The following SERPINB7 variants were observed in gnomAD, a reference collection of about 807,000 sequenced individuals.
SERPINB7 encodes serpin B7.
Under a neutral mutation model 37.4 loss-of-function variants are expected in SERPINB7, and 31 were observed. That is an observed-to-expected ratio of 0.83 (90% CI 0.62 to 1.12). The LOEUF is 1.12. Among genes scored for constraint, SERPINB7 ranks in the 50% most tolerant of loss-of-function variants. The pLI is 0.00. For synonymous variants in SERPINB7, 163 were observed against 166.1 expected, an observed-to-expected ratio of 0.98 and a Z score of 0.14; for missense variants, 521 against 455.3, an observed-to-expected ratio of 1.14 and a Z score of -1.31.
In SERPINB7 at chr18:63,804,818, C is replaced by A; in HGVS notation, c.*183C>A. 1 of 584,510 alleles carries A rather than the reference C, an allele frequency of 1.7e-6. No homozygotes were observed. 36.2% of individuals were successfully genotyped at this position (584,510 alleles called of 1,614,324 possible). A position where few individuals can be genotyped will look rare whatever the true frequency, so the allele number is the denominator to read the frequency against. Reference sequence around the variant, plus strand: ...GACACCTGGTTGATTGTCCTGATCCCTGCTCTTAGCATTCTACCACCATGT... The same window carrying A: ...GACACCTGGTTGATTGTCCTGATCCATGCTCTTAGCATTCTACCACCATGT... On this transcript the variant is annotated 3_prime_UTR_variant, in exon 8 of 8. Coordinates refer to ENST00000398019, the MANE Select transcript of SERPINB7 (RefSeq NM_003784.4).
chr18:63,778,370 A>G (rs2049270915), intron 1 of SERPINB7, among the ~76,000 whole-genome samples: 1 of 152,180 alleles, frequency 6.6e-6, no homozygotes, highest in African/African-American at 2.4e-5. Flanking sequence ...ATTGATAAGA[A>G]TAAAAATTAA....
At chr18:63,782,674 G>A (rs2049313200) in intron 2 of SERPINB7, 134 bp downstream of exon 2, 5 of 796,722 alleles carry the variant, frequency 6.3e-6, no homozygotes, top group East Asian at 2.6e-5. Flanking sequence ...ATCTCCACGA[G>A]GCCCTCTTTG....
intron 1 of SERPINB7, among the ~76,000 whole-genome samples, chr18:63,779,781 G>C (rs1177988060): frequency 2.0e-5 from 3 of 151,980 alleles, no homozygotes; most frequent in Non-Finnish European, 4.4e-5. Context: ...CATGGAAATA[G>C]GAAGCCTGAA....
rs767562106 is a variant in SERPINB7, at chr18:63,804,673, A to G, written c.*38A>G. On this transcript the variant is annotated 3_prime_UTR_variant, in exon 8 of 8. Transcript: ENST00000398019. The stretch of plus-strand genomic sequence containing the variant: ...TTTCTGTTATAGCAGTCCCCACAAC[A>G]TCAAAGAACCACCACAAGTCAATAG... 1.3e-6 allele frequency: 2 copies of G among 1,532,450 alleles called. No individual in the cohort carries two copies. Among genetic ancestry groups the G allele is most frequent in the Non-Finnish European group, 1.8e-6 (2 of 1,138,692 alleles). 94.9% of individuals were successfully genotyped at this position (1,532,450 alleles called of 1,614,324 possible).
rs773112320 is a variant in SERPINB7, at chr18:63,800,938, A to G, written c.670A>G (p.Met224Val). Residue 224 changes from methionine (M) to valine (V), a missense_variant, in exon 7 of 8, where the codon ATG becomes GTG. Physicochemically the swap from Met to Val is conservative, Grantham distance 21 (BLOSUM62 1). Transcript: ENST00000398019. ...TTTGTCTGTTATTGAGGACCCATCA[A>G]TGAAGATTCTTGAGCTCAGATACAA... ...FNLSVIEDPS[M>V]KILELRYNGG... 5.6e-6 allele frequency: 9 copies of G among 1,614,050 alleles called. No homozygotes were observed. The highest frequency in any genetic ancestry group is 2.2e-5 in the South Asian group (2 of 91,078).
At chr18:63,786,172 TGGC>T (rs2049369474) in intron 2 of SERPINB7, among the ~76,000 whole-genome samples, 2 of 67,440 alleles carry the variant, frequency 3.0e-5, no homozygotes, top group South Asian at 4.8e-4. Context: ...CACACCAGCA[TGGC>T]ACATGGCACA....
At chr18:63,766,877 C>T (rs988003496) in intron 1 of SERPINB7, among the ~76,000 whole-genome samples, 3 of 152,160 alleles carry the variant, frequency 2.0e-5, no homozygotes, top group Admixed American at 1.3e-4. Flanking sequence ...AAAAGCAAGG[C>T]AACTAGTTAC....
At chr18:63,786,827 TAAG>T (rs1395604004) in intron 2 of SERPINB7, among the ~76,000 whole-genome samples, 2 of 152,182 alleles carry the variant, frequency 1.3e-5, no homozygotes, top group Admixed American at 1.3e-4. Flanking sequence ...ATAAGAAAAG[TAAG>T]AAGAGGAAGA....
chr18:63,782,814 A>T (rs2049314628), intron 2 of SERPINB7, among the ~76,000 whole-genome samples: 1 of 152,146 alleles, frequency 6.6e-6, no homozygotes, highest in Non-Finnish European at 1.5e-5. Context: ...CCAGACCAGG[A>T]TCATCAGCAC....
chr18:63,793,821 C>T (rs970216950), intron 4 of SERPINB7, among the ~76,000 whole-genome samples: 2 of 152,024 alleles, frequency 1.3e-5, no homozygotes, highest in African/African-American at 2.4e-5. Context: ...TTTTATGTCA[C>T]TTAAGTTTTA....
At chr18:63,760,217 C>A (rs559844746) in intron 1 of SERPINB7, among the ~76,000 whole-genome samples, 2 of 152,282 alleles carry the variant, frequency 1.3e-5, no homozygotes, top group African/African-American at 4.8e-5. Context: ...GGAACTGGAG[C>A]AAAGGTGACT....
intron 3 of SERPINB7, 132 bp downstream of exon 3, chr18:63,792,575 C>A (rs1233384364): frequency 3.4e-6 from 2 of 588,000 alleles, no homozygotes; most frequent in African/African-American, 3.8e-5. Context: ...CCAGCCTGGG[C>A]AACATGGCAA....
chr18:63,799,180 T>A (rs1026436137), intron 6 of SERPINB7, among the ~76,000 whole-genome samples: 1 of 152,212 alleles, frequency 6.6e-6, no homozygotes, highest in Non-Finnish European at 1.5e-5. Context: ...AAGTTATATT[T>A]AGTAAAGTTA....
At chr18:63,759,473 CCTT>C (rs1437371659) in intron 1 of SERPINB7, among the ~76,000 whole-genome samples, 1 of 152,042 alleles carries the variant, frequency 6.6e-6, no homozygotes, top group Admixed American at 6.6e-5. Context: ...TTTTAAGAAT[CCTT>C]CTTTTCTTTT....
intron 2 of SERPINB7, among the ~76,000 whole-genome samples, chr18:63,791,073 G>C (rs553289491): frequency 6.6e-6 from 1 of 152,260 alleles, no homozygotes; most frequent in South Asian, 2.1e-4. Context: ...TCACTCTTAA[G>C]TGGGAGTTGA....
Position 63,781,857 on chromosome 18 carries a change from G to GAA in SERPINB7, c.-18-491_-18-490dup, listed in dbSNP as rs112897618. On this transcript the variant is annotated intron_variant, in intron 1 of 7. Coordinates refer to ENST00000398019, the MANE Select transcript of SERPINB7 (RefSeq NM_003784.4). The stretch of plus-strand genomic sequence containing the variant: ...TAATACTTAAAATTAGGACAGTTTT[G>GAA]AAAAAAAATAGAATGTATGATTGTT... 5.7e-4 allele frequency among the ~76,000 whole-genome samples: 87 copies of GAA among 151,548 alleles called. 1 individual carries two copies. The highest frequency in any genetic ancestry group is 2.1e-3 in the African/African-American group (86 of 41,360).
chr18:63,776,360 A>C (rs2049248086), intron 1 of SERPINB7, among the ~76,000 whole-genome samples: 1 of 151,920 alleles, frequency 6.6e-6, no homozygotes, highest in South Asian at 2.1e-4. Flanking sequence ...GGCTTAGTCT[A>C]TCCACCCATG....
At chr18:63,770,718 T>C (rs927264553), upstream of SERPINB7, among the ~76,000 whole-genome samples, 44 of 152,230 alleles carry the variant, frequency 2.9e-4, no homozygotes, top group African/African-American at 1.1e-3. Context: ...TTGTGACTTA[T>C]ATGTGATGAA....
rs1037114757 is a variant in SERPINB7, at chr18:63,775,643, T to C, written c.-92T>C. 10 of 152,174 alleles carry C rather than the reference T, an allele frequency of 6.6e-5. No individual in the cohort carries two copies. The highest frequency in any genetic ancestry group is 2.4e-4 in the African/African-American group (10 of 41,444). 9.4% of individuals were successfully genotyped at this position (152,174 alleles called of 1,614,324 possible). A position where few individuals can be genotyped will look rare whatever the true frequency, so the allele number is the denominator to read the frequency against. On this transcript the variant is annotated 5_prime_UTR_variant, in exon 1 of 8. Coordinates refer to ENST00000398019, the MANE Select transcript of SERPINB7 (RefSeq NM_003784.4). Reference sequence around the variant, plus strand: ...CTTGAGAAGTGTGGAAACATTTTCTTTGTGAGTGAGAACAGATCACCTAGA... The same window carrying C: ...CTTGAGAAGTGTGGAAACATTTTCTCTGTGAGTGAGAACAGATCACCTAGA...
Sources: gnomAD v4.1 joint callset for allele counts (sites outside exome capture counted in the v4.1 genomes callset) on GRCh38, gnomAD v4.1.1 for gene constraint, MANE v1.5 for transcripts, NCBI Gene and HGNC (gene_info 2026-07-23, HGNC 2026-07-21) for gene names.